Variants in WFDC1 observed in about 807,000 individuals in gnomAD.
WFDC1 encodes the protein WAP four-disulfide core domain 1.
In WFDC1, 39 loss-of-function variants were observed where a neutral mutation model predicts 32.9. That is an observed-to-expected ratio of 1.19 (90% CI 0.92 to 1.55). The LOEUF (loss-of-function observed/expected upper bound fraction) is 1.55. Ranked by LOEUF, WFDC1 falls within the 40% of genes most tolerant of loss-of-function variation. The pLI is 0.00. For missense variants in WFDC1, 386 were observed against 309.5 expected (o/e 1.25, Z -1.85); for synonymous variants, 184 against 137.4 (o/e 1.34, Z -2.37).
chr16:84,310,032 G>A (rs1031251094), intron 1 of WFDC1, among the ~76,000 whole-genome samples: 1 of 152,156 alleles, frequency 6.6e-6, no homozygotes, highest in Non-Finnish European at 1.5e-5. Flanking sequence ...GGATTCCAGG[G>A]AGTAGGGCCT....
intron 1 of WFDC1, among the ~76,000 whole-genome samples, chr16:84,299,365 C>G (rs1056451657): frequency 1.4e-5 from 2 of 142,920 alleles, no homozygotes; most frequent in African/African-American, 5.2e-5. Context: ...AACTCCATCT[C>G]AAAAAACAAA....
At chr16:84,321,768 G>A (rs1908316278) in intron 4 of WFDC1, among the ~76,000 whole-genome samples, 1 of 152,222 alleles carries the variant, frequency 6.6e-6, no homozygotes, top group South Asian at 2.1e-4. Context: ...AAAAGGAGAA[G>A]TAGAACCAGG....
In WFDC1 at chr16:84,310,011, C is replaced by T. The variant is rs1445216526; in HGVS notation, c.145-2950C>T. Among the ~76,000 whole-genome samples the T allele has an allele frequency of 2.0e-5, 3 of 152,092 alleles. No homozygotes were observed. In the East Asian group the frequency reaches 5.8e-4, roughly 29 times the overall value. ...ATTGCGTCTGCAAAGACCCTTTTTC[C>T]TTTGCATTTAGGATTCCAGGGAGTA... On this transcript the variant is annotated intron_variant, in intron 1 of 6. Coordinates refer to ENST00000219454, the MANE Select transcript of WFDC1 (RefSeq NM_021197.4).
chr16:84,295,364 C>T, intron 1 of WFDC1: 1 of 506,632 alleles, frequency 2.0e-6, no homozygotes, highest in Admixed American at 3.7e-5. Context: ...TCGTGCCTTA[C>T]TTTTGCCTTG....
At chr16:84,319,999 A>G (rs1028731699) in intron 4 of WFDC1, among the ~76,000 whole-genome samples, 1 of 152,192 alleles carries the variant, frequency 6.6e-6, no homozygotes, top group Admixed American at 6.5e-5. Flanking sequence ...ATATCCACGT[A>G]TGTGTAGATG....
chr16:84,322,446 T>G (rs976699095), intron 4 of WFDC1, among the ~76,000 whole-genome samples: 1 of 152,220 alleles, frequency 6.6e-6, no homozygotes, highest in Non-Finnish European at 1.5e-5. Context: ...ACTGCATATT[T>G]GAAATAATTT....
intron 1 of WFDC1, among the ~76,000 whole-genome samples, chr16:84,300,878 T>G (rs61262005): frequency 0.043 from 6,564 of 151,714 alleles, 426 homozygotes; most frequent in African/African-American, 0.14. Context: ...GCTGAGGCAG[T>G]AGAATCACTT....
At chr16:84,295,223 C>A in intron 1 of WFDC1, 108 bp downstream of exon 1, 1 of 1,415,246 alleles carries the variant, frequency 7.1e-7, no homozygotes, top group Non-Finnish European at 9.6e-7. Context: ...TCCCCCAAAA[C>A]GTGGCAAGGC....
intron 1 of WFDC1, among the ~76,000 whole-genome samples, chr16:84,304,255 G>T (rs979871081): frequency 6.6e-6 from 1 of 152,166 alleles, no homozygotes; most frequent in Non-Finnish European, 1.5e-5. Flanking sequence ...AGGTCATATA[G>T]TTTCACTCTT....
At chr16:84,311,905 C>T (rs1010197960) in intron 1 of WFDC1, among the ~76,000 whole-genome samples, 5 of 151,944 alleles carry the variant, frequency 3.3e-5, no homozygotes, top group South Asian at 4.2e-4. Context: ...GTGGCTCACA[C>T]CTGTAATCCC....
intron 1 of WFDC1, among the ~76,000 whole-genome samples, chr16:84,303,524 GA>G (rs1907070931): frequency 6.6e-6 from 1 of 151,694 alleles, no homozygotes; most frequent in Non-Finnish European, 1.5e-5. Flanking sequence ...TAAATTAGTA[GA>G]AATGATCTGA....
At chr16:84,301,617 AC>A (rs1389213877) in intron 1 of WFDC1, among the ~76,000 whole-genome samples, 3 of 151,968 alleles carry the variant, frequency 2.0e-5, no homozygotes, top group African/African-American at 4.8e-5. Flanking sequence ...ATGGTTGAGA[AC>A]CCCAGAAAAG....
chr16:84,312,283 A>G (rs1907679477), intron 1 of WFDC1, among the ~76,000 whole-genome samples: 1 of 152,154 alleles, frequency 6.6e-6, no homozygotes, highest in Admixed American at 6.5e-5. Flanking sequence ...AGACCAAGAA[A>G]CAGAACAGAG....
At chr16:84,301,593 G>T (rs1450861830) in intron 1 of WFDC1, among the ~76,000 whole-genome samples, 1 of 152,110 alleles carries the variant, frequency 6.6e-6, no homozygotes, top group Non-Finnish European at 1.5e-5. Context: ...CCCAGGAGGG[G>T]GTCTTCAAGG....
intron 1 of WFDC1, among the ~76,000 whole-genome samples, chr16:84,311,393 C>CT (rs59991540): frequency 7.7e-5 from 8 of 104,284 alleles, no homozygotes; most frequent in Non-Finnish European, 8.2e-5. Context: ...AATTTTTTTT[C>CT]TTTTTTTTGT....
chr16:84,304,519 C>T (rs1355515043), intron 1 of WFDC1, among the ~76,000 whole-genome samples: 5 of 152,036 alleles, frequency 3.3e-5, no homozygotes, highest in East Asian at 1.9e-4. Context: ...TGAGCCACCG[C>T]GCCCGGCCAG....
chr16:84,319,201 G>A, intron 3 of WFDC1: 2 of 561,798 alleles, frequency 3.6e-6, no homozygotes, highest in Non-Finnish European at 3.1e-6. Context: ...GGGATCAGGT[G>A]AGCTTGGACT....
intron 1 of WFDC1, among the ~76,000 whole-genome samples, chr16:84,300,260 C>T (rs1275168046): frequency 6.6e-6 from 1 of 152,228 alleles, no homozygotes; most frequent in African/African-American, 2.4e-5. Context: ...CCTGTAGGAG[C>T]AAATGGAGCT....
chr16:84,324,644 G>A (rs1212614825), intron 5 of WFDC1, among the ~76,000 whole-genome samples, 184 bp downstream of exon 5: 1 of 152,164 alleles, frequency 6.6e-6, no homozygotes, highest in East Asian at 1.9e-4. Context: ...AGTCACAGAG[G>A]AGCTCATGGC....
Sources: allele counts gnomAD v4.1 joint callset (sites outside exome capture counted in the v4.1 genomes callset), GRCh38; gene constraint gnomAD v4.1.1; transcripts MANE v1.5; gene names NCBI Gene and HGNC (gene_info 2026-07-23, HGNC 2026-07-21).